The following DNAH5 variants were observed in gnomAD, a reference collection of about 807,000 sequenced individuals.
The protein encoded by DNAH5 is dynein axonemal heavy chain 5, also known as axonemal beta dynein heavy chain 5.
Under a neutral mutation model 518.2 loss-of-function variants are expected in DNAH5, and 372 were observed. That is an observed-to-expected ratio of 0.72 (90% CI 0.66 to 0.78). The LOEUF is 0.78. Ranked by LOEUF, DNAH5 falls within the 30% of genes least tolerant of loss-of-function variation. The pLI, the probability that DNAH5 is intolerant of heterozygous loss-of-function variation, is 0.00. For missense variants in DNAH5, 5,523 were observed against 5,687.0 expected, an observed-to-expected ratio of 0.97 and a Z score of 0.93; for synonymous variants, 2,039 against 2,025.9, an observed-to-expected ratio of 1.01 and a Z score of -0.17.
In DNAH5 at chr5:13,841,869, C is replaced by T; in HGVS notation, c.5307G>A (p.Glu1769=). Reference sequence around the variant, plus strand: ...GTTTATCCAATTCAATCGTCTCACCCTCTTGAGAGGAAATTGACAGAATTC... The same window carrying T: ...GTTTATCCAATTCAATCGTCTCACCTTCTTGAGAGGAAATTGACAGAATTC... ...YDRILSISSQ[E]GETIELDKPV... The change falls in exon 33 of 79, where the codon GAG becomes GAA. Residue 1769 remains glutamate, a synonymous_variant. Transcript: ENST00000265104. 6.3e-7 allele frequency: 1 copy of T among 1,590,590 alleles called. No homozygotes were observed. Among genetic ancestry groups the T allele is most frequent in the South Asian group, 1.1e-5 (1 of 90,354 alleles).
chr5:13,729,389 G>A, intron 69 of DNAH5, 50 bp downstream of exon 69: 1 of 1,611,156 alleles, frequency 6.2e-7, no homozygotes, highest in Non-Finnish European at 8.5e-7. Flanking sequence ...TGATAAATCA[G>A]AAAGCTGCTC....
intron 35 of DNAH5, among the ~76,000 whole-genome samples, chr5:13,838,180 A>T (rs953045298): frequency 6.6e-6 from 1 of 152,208 alleles, no homozygotes; most frequent in Non-Finnish European, 1.5e-5. Flanking sequence ...TTGATATTAC[A>T]AAGTTCAAAT....
intron 26 of DNAH5, 108 bp downstream of exon 26, chr5:13,866,112 C>G (rs578214267): frequency 9.6e-7 from 1 of 1,043,302 alleles, no homozygotes; most frequent in African/African-American, 1.6e-5. Context: ...CAAGTACATA[C>G]CATATTCCAC....
At position 13,884,731 on chromosome 5, in the gene DNAH5, G is replaced by T. The variant is rs183838350; in HGVS notation, c.2983+258C>A. Among the ~76,000 whole-genome samples, 116 of 152,334 alleles carry T rather than the reference G, an allele frequency of 7.6e-4. 1 individual carries two copies. The highest frequency in any genetic ancestry group is 2.7e-3 in the African/African-American group (112 of 41,566). On this transcript the variant is annotated intron_variant, in intron 19 of 78. Coordinates refer to ENST00000265104, the MANE Select transcript of DNAH5 (RefSeq NM_001369.3). ...GTGCGCCTATAGTCCCAGCTACTTGGGAGGCTAAGCTGGAGAATCACTTGA... is the reference window on the plus strand; with the variant it reads ...GTGCGCCTATAGTCCCAGCTACTTGTGAGGCTAAGCTGGAGAATCACTTGA...
intron 42 of DNAH5, among the ~76,000 whole-genome samples, chr5:13,815,337 C>G (rs1246517046): frequency 2.0e-5 from 3 of 152,184 alleles, no homozygotes; most frequent in Non-Finnish European, 4.4e-5. Context: ...ACAGCAAGAA[C>G]AGAAAGTGCT....
chr5:13,705,601 G>C (rs1168031256), intron 76 of DNAH5, among the ~76,000 whole-genome samples: 5 of 152,080 alleles, frequency 3.3e-5, no homozygotes, highest in African/African-American at 9.7e-5. Context: ...TCCCACTATG[G>C]GTTGAATTGT....
intron 1 of DNAH5, among the ~76,000 whole-genome samples, chr5:13,976,687 G>GTATA (rs1231927910): frequency 1.2e-3 from 145 of 121,342 alleles, no homozygotes; most frequent in Middle Eastern, 4.8e-3. Flanking sequence ...ATGTGTGTGT[G>GTATA]TGTATATATA....
intron 38 of DNAH5, among the ~76,000 whole-genome samples, chr5:13,825,760 G>C (rs1264493175): frequency 6.6e-6 from 1 of 152,146 alleles, no homozygotes; most frequent in Non-Finnish European, 1.5e-5. Context: ...AGTTTTTCAA[G>C]ATGAAAAAGT....
rs188218914 is a variant in DNAH5 at position 13,766,165 on chromosome 5, C to T, written c.9912G>A (p.Ser3304=). The T allele has an allele frequency of 9.3e-5, 150 of 1,614,018 alleles. No homozygotes were observed. The highest frequency in any genetic ancestry group is 1.2e-4 in the Non-Finnish European group (142 of 1,180,004). The change falls in exon 59 of 79, where the codon TCG becomes TCA. Residue 3304 remains serine (S), a synonymous_variant. Coordinates refer to ENST00000265104, the MANE Select transcript of DNAH5 (RefSeq NM_001369.3). ...CCAACGTGCGAACAGTGGCGATGTC[C>T]GAAGGCCTGATGGTCTGGGGGATGA... is the stretch of plus-strand genomic sequence containing the variant. ...AEAALQTIRP[S]DIATVRTLGR... is the part of the protein sequence containing the mutation.
rs1428385137 is a variant in DNAH5, at chr5:13,855,252, A to C, written c.4950+4200T>G. On this transcript the variant is annotated intron_variant, in intron 30 of 78. Coordinates refer to ENST00000265104, the MANE Select transcript of DNAH5 (RefSeq NM_001369.3). ...GAGACGGAGTCTCGCTCTGTCGCCCAGGCTGGAGTGCAGTGGCGGGATCTC... is the reference window on the plus strand; with the variant it reads ...GAGACGGAGTCTCGCTCTGTCGCCCCGGCTGGAGTGCAGTGGCGGGATCTC... Among the ~76,000 whole-genome samples, 5 of 38,410 alleles carry C rather than the reference A, an allele frequency of 1.3e-4. 1 individual carries two copies. In the East Asian group the frequency reaches 2.4e-3, roughly 18 times the overall value. 25.2% of individuals were successfully genotyped at this position (38,410 alleles called of 152,430 possible). A position where few individuals can be genotyped will look rare whatever the true frequency, so the allele number is the denominator to read the frequency against.
chr5:13,719,603 C>T (rs758099429), intron 71 of DNAH5, among the ~76,000 whole-genome samples: 1 of 152,094 alleles, frequency 6.6e-6, no homozygotes, highest in Non-Finnish European at 1.5e-5. Flanking sequence ...CACATAACTC[C>T]CCAAATTCTG....
Position 13,901,486 on chromosome 5 carries a change from C to G in DNAH5, c.1818G>C (p.Leu606=). 6.2e-7 allele frequency: 1 copy of G among 1,613,838 alleles called. No homozygotes were observed. Among genetic ancestry groups the G allele is most frequent in the Non-Finnish European group, 8.5e-7 (1 of 1,179,986 alleles). The part of the protein sequence containing the change: ...YGADIDMISK[L]YTKQKYDPPL... ...GAGGATCGTATTTCTGCTTTGTATA[C>G]AGCTTTGAAATCATATCAATGTCAG... Residue 606 remains leucine (L), a synonymous_variant, in exon 14 of 79, where the codon CTG becomes CTC. Coordinates refer to ENST00000265104, the MANE Select transcript of DNAH5 (RefSeq NM_001369.3).
rs1467595747 is a variant in DNAH5, at chr5:13,747,865, T to C, written c.11211+3213A>G. Among the ~76,000 whole-genome samples, 6 of 152,386 alleles carry C rather than the reference T, an allele frequency of 3.9e-5. No individual in the cohort carries two copies. The East Asian group carries it at 1.2e-3, about 29-fold the overall frequency. ...TCACTCTGATGGTAGTTTCTTTTGC[T>C]GTGCAGAAGCTCTTTAGTTTTGTCA... On this transcript the variant is annotated intron_variant, in intron 65 of 78. Coordinates refer to ENST00000265104, the MANE Select transcript of DNAH5 (RefSeq NM_001369.3).
chr5:13,970,858 T>C (rs1781814931), intron 1 of DNAH5, among the ~76,000 whole-genome samples: 1 of 152,236 alleles, frequency 6.6e-6, no homozygotes, highest in South Asian at 2.1e-4. Flanking sequence ...GAAGTTTACC[T>C]CAACTATTCC....
chr5:13,750,585 T>C (rs893810328), intron 65 of DNAH5, among the ~76,000 whole-genome samples: 1 of 152,196 alleles, frequency 6.6e-6, no homozygotes, highest in Non-Finnish European at 1.5e-5. Flanking sequence ...CATCAGGACA[T>C]ACTACAGGGC....
intron 19 of DNAH5, among the ~76,000 whole-genome samples, chr5:13,883,913 T>C (rs1157964704): frequency 6.6e-6 from 1 of 152,186 alleles, no homozygotes; most frequent in Non-Finnish European, 1.5e-5. Context: ...TAATTAAATA[T>C]TGAAGATGCT....
chr5:13,873,522 AATT>A (rs1289960047), intron 22 of DNAH5, among the ~76,000 whole-genome samples: 1 of 152,088 alleles, frequency 6.6e-6, no homozygotes, highest in Non-Finnish European at 1.5e-5. Flanking sequence ...AAATTCATAT[AATT>A]ATCTTTCCAT....
At chr5:13,972,365 C>T (rs552805088) in intron 1 of DNAH5, among the ~76,000 whole-genome samples, 1 of 152,272 alleles carries the variant, frequency 6.6e-6, no homozygotes, top group Non-Finnish European at 1.5e-5. Flanking sequence ...GGAAACCTCA[C>T]GTTTGGTCAA....
intron 1 of DNAH5, among the ~76,000 whole-genome samples, chr5:13,951,215 T>C (rs1319248743): frequency 7.9e-6 from 1 of 125,832 alleles, no homozygotes; most frequent in East Asian, 2.4e-4. Flanking sequence ...TTCGTTTTTT[T>C]TTTTTTTTTT....
Sources: allele counts gnomAD v4.1 joint callset (sites outside exome capture counted in the v4.1 genomes callset), GRCh38; gene constraint gnomAD v4.1.1; transcripts MANE v1.5; gene names NCBI Gene and HGNC (gene_info 2026-07-23, HGNC 2026-07-21).